HLA-DPA1: variants seen among roughly 807,000 people sequenced by gnomAD.
HLA-DPA1 encodes HLA class II histocompatibility antigen, DP alpha 1 chain.
In HLA-DPA1, 20 loss-of-function variants were observed where a neutral mutation model predicts 21.5. The observed-to-expected ratio is 0.93, with a 90% CI of 0.66 to 1.35. The LOEUF is 1.35. HLA-DPA1 is among the 40% of genes most tolerant of loss of function. The pLI is 0.00. For missense variants in HLA-DPA1, 279 were observed against 323.0 expected (o/e 0.86, Z 1.05); for synonymous variants, 123 against 129.6 (o/e 0.95, Z 0.35).
intron 2 of HLA-DPA1, 142 bp from the exon 2 acceptor site, chr6:33,070,028 A>G: frequency 2.9e-6 from 2 of 688,662 alleles, no homozygotes; most frequent in Non-Finnish European, 4.8e-6. Flanking sequence ...GGGAAGAAGA[A>G]GGAGCAACAC....
chr6:33,073,235 T>G lies in HLA-DPA1; in HGVS notation c.100+236A>C, dbSNP rs144038008. On this transcript the variant is annotated intron_variant, in intron 2 of 5. Coordinates refer to ENST00000419277, the Ensembl canonical transcript of HLA-DPA1. The stretch of plus-strand genomic sequence containing the variant: ...ATAAAAGGAATAATTTCTAAATGAA[T>G]GGAATATTATCTTCATTGAAGATTC... 3.6e-3 allele frequency among the ~76,000 whole-genome samples: 542 copies of G among 152,344 alleles called. 3 individuals are homozygous for G. The highest frequency in any genetic ancestry group is 0.026 in the East Asian group (133 of 5,194).
chr6:33,069,469 C>T (rs1020226219), intron 3 of HLA-DPA1, 169 bp from the exon 3 acceptor site: 2 of 1,048,552 alleles, frequency 1.9e-6, no homozygotes, highest in African/African-American at 1.7e-5. Context: ...ACCTTTCTCT[C>T]TCCTGAGAAG....
chr6:33,078,239 G>A (rs1762654391), intron 1 of HLA-DPA1, among the ~76,000 whole-genome samples: 1 of 152,160 alleles, frequency 6.6e-6, no homozygotes, highest in Admixed American at 6.5e-5. Context: ...AGGCAGTGGA[G>A]CCATGTGACA....
exon 6 of HLA-DPA1, chr6:33,065,278 A>T (rs1042688): frequency 0.29 from 43,893 of 152,020 alleles, 8,354 homozygotes; most frequent in East Asian, 0.69. Flanking sequence ...AGAAAAGCTG[A>T]GATGGAGTTT....
At chr6:33,069,181 C>A (rs750145849) in exon 4 of HLA-DPA1, 2 of 1,612,858 alleles carry the variant, frequency 1.2e-6, no homozygotes, top group East Asian at 2.2e-5. Context: ...ACCAGCTCCC[C>A]GTTGCACAGC....
At position 33,080,640 on chromosome 6, in the gene HLA-DPA1, C is replaced by A. The variant is rs141207777; in HGVS notation, c.-100+40G>T. ...GAGAAAGAGGATTAGATGAGAGTGG[C>A]GCCTCCGCTCATGTCCGCCCCCTCC... On this transcript the variant is annotated intron_variant, in intron 1 of 5. Coordinates refer to ENST00000419277, the Ensembl canonical transcript of HLA-DPA1. The surrounding 1 kb of genome is among the most constrained non-coding windows in gnomAD (Gnocchi z 4.3). The A allele has an allele frequency of 1.5e-4, 248 of 1,611,428 alleles. 1 individual carries two copies. The highest frequency in any genetic ancestry group is 6.6e-4 in the Middle Eastern group (4 of 6,060).
chr6:33,073,813 A>G (rs1762409407), intron 1 of HLA-DPA1, 164 bp from the exon 1 acceptor site: 1 of 487,512 alleles, frequency 2.1e-6, no homozygotes, highest in Non-Finnish European at 3.6e-6. Flanking sequence ...CAGCGTGGTC[A>G]AGAGAGCTCC....
intron 4 of HLA-DPA1, 91 bp from the exon 4 acceptor site, chr6:33,068,895 T>A: frequency 1.3e-6 from 2 of 1,542,498 alleles, no homozygotes; most frequent in Non-Finnish European, 1.8e-6. Flanking sequence ...TATGGACCAG[T>A]TAATTGGATG....
At chr6:33,075,643 G>A (rs1762499181) in intron 1 of HLA-DPA1, among the ~76,000 whole-genome samples, 1 of 151,056 alleles carries the variant, frequency 6.6e-6, no homozygotes, top group South Asian at 2.1e-4. Context: ...ATGTCCTGTG[G>A]GTGTGTGAGG....
Position 33,074,672 on chromosome 6 carries a change from T to G in HLA-DPA1, c.-99-1003A>C, listed in dbSNP as rs150259096. ...ACTAACAGATTAGGACATGAGAGATTCTGTTATTAGTGCTTTGCATGCATT... is the reference window on the plus strand; with the variant it reads ...ACTAACAGATTAGGACATGAGAGATGCTGTTATTAGTGCTTTGCATGCATT... On this transcript the variant is annotated intron_variant, in intron 1 of 5. Coordinates refer to ENST00000419277, the Ensembl canonical transcript of HLA-DPA1. Among the ~76,000 whole-genome samples, 542 of 152,342 alleles carry G rather than the reference T, an allele frequency of 3.6e-3. 3 individuals carry two copies. The highest frequency in any genetic ancestry group is 0.026 in the East Asian group (133 of 5,194).
chr6:33,068,677 A>C (rs1490105331), exon 5 of HLA-DPA1: 1 of 1,612,636 alleles, frequency 6.2e-7, no homozygotes, highest in East Asian at 2.2e-5. Flanking sequence ...CCCGGGGGTC[A>C]TGGCCAGAAC....
chr6:33,079,199 C>T (rs1351288906), intron 1 of HLA-DPA1, among the ~76,000 whole-genome samples: 1 of 152,204 alleles, frequency 6.6e-6, no homozygotes, highest in African/African-American at 2.4e-5. Flanking sequence ...ATGAGCAGAA[C>T]AATCACAGCA....
chr6:33,069,410 C>G lies in HLA-DPA1; in HGVS notation c.347-110G>C, dbSNP rs3830066. ...CTCAGCCTTAGATTTTATGGCAGCT[C>G]TGAATCACAGAGAGGGGTATCACAC... On this transcript the variant is annotated intron_variant, in intron 3 of 5. Transcript: ENST00000419277. 0.19 allele frequency: 215,039 copies of G among 1,158,104 alleles called. 29,791 individuals are homozygous for G. The highest frequency in any genetic ancestry group is 0.63 in the East Asian group (25,777 of 40,762). 71.7% of individuals were successfully genotyped at this position (1,158,104 alleles called of 1,614,324 possible).
exon 2 of HLA-DPA1, chr6:33,073,577 G>T (rs1383763117): frequency 6.2e-7 from 1 of 1,604,968 alleles, no homozygotes; most frequent in Non-Finnish European, 8.5e-7. Flanking sequence ...GCATGTTGTG[G>T]GGTCTATAAT....
intron 5 of HLA-DPA1, chr6:33,067,860 G>A (rs1762038220): frequency 6.6e-6 from 1 of 152,076 alleles, no homozygotes; most frequent in South Asian, 2.1e-4. Context: ...AATCAAGGGA[G>A]AGAGAGAGAG....
chr6:33,073,777 G>A, intron 1 of HLA-DPA1, 128 bp from the exon 1 acceptor site: 1 of 533,272 alleles, frequency 1.9e-6, no homozygotes, highest in South Asian at 2.8e-5. Flanking sequence ...AAGGTGCTGG[G>A]GAAGAGATGG....
At chr6:33,069,429 A>G in intron 3 of HLA-DPA1, 129 bp from the exon 3 acceptor site, 1 of 1,055,996 alleles carries the variant, frequency 9.5e-7, no homozygotes, top group Non-Finnish European at 1.4e-6. Context: ...AGAGAGGGGT[A>G]TCACACCACT....
rs142216001 is a variant in HLA-DPA1, at chr6:33,073,616, G to A, written c.-46C>T. The A allele has an allele frequency of 1.4e-3, 1,983 of 1,375,478 alleles. 26 individuals carry two copies. Among genetic ancestry groups the A allele is most frequent in the East Asian group, 0.013 (583 of 43,740 alleles). The allele number at this position is 1,375,478 out of a possible 1,614,324, so 85.2% of individuals were successfully genotyped here. A position where few individuals can be genotyped will look rare whatever the true frequency, so the allele number is the denominator to read the frequency against. On this transcript the variant is annotated 5_prime_UTR_variant, in exon 2 of 6. Coordinates refer to ENST00000419277, the Ensembl canonical transcript of HLA-DPA1. ...TGACTGTGAGCACAGGAACAGTGAT[G>A]AGGAACTGAGGCCGAGTGGAGGCAG...
chr6:33,076,483 C>G (rs1395972810), intron 1 of HLA-DPA1, among the ~76,000 whole-genome samples: 6 of 152,190 alleles, frequency 3.9e-5, no homozygotes, highest in Non-Finnish European at 7.3e-5. Context: ...GTGTTCATGT[C>G]TGCATCCAGC....
Sources: gnomAD v4.1 joint callset for allele counts (sites outside exome capture counted in the v4.1 genomes callset) on GRCh38, gnomAD v4.1.1 for gene constraint, Gnocchi (gnomAD v3.1) non-coding constraint, MANE v1.5 for transcripts, NCBI Gene and HGNC (gene_info 2026-07-23, HGNC 2026-07-21) for gene names.